The following PYM1 variants were observed in gnomAD, a reference collection of about 807,000 sequenced individuals.
PYM1 encodes the protein PYM1 exon junction complex associated factor, also known as partner of Y14 and mago.
Under a neutral mutation model 20.7 loss-of-function variants are expected in PYM1, and 7 were observed. The ratio of observed to expected loss-of-function variants is 0.34; its 90% CI spans 0.19 to 0.64. The LOEUF is 0.64. Among genes scored for constraint, PYM1 ranks in the 30% least tolerant of loss-of-function variants. PYM1 has a pLI of 0.74. For synonymous variants in PYM1, 100 were observed against 99.2 expected (o/e 1.01, Z -0.05); for missense variants, 194 against 250.0 (o/e 0.78, Z 1.51).
At chr12:55,927,456 C>T in intron 1 of PYM1, 1 of 691,634 alleles carries the variant, frequency 1.4e-6, no homozygotes, top group Admixed American at 2.4e-5. Flanking sequence ...CACCTGCACC[C>T]AAAAAGGGGG....
In PYM1 at chr12:55,901,496, A is replaced by G. The variant is rs1020290587; in HGVS notation, c.*376T>C. ...AGGGATGGAGAGGGAAATAACCCAT[A>G]AACACCGCGAACAGGAACCAAGACT... On this transcript the variant is annotated 3_prime_UTR_variant, in exon 3 of 3. Transcript: ENST00000408946. The G allele has an allele frequency of 5.5e-6, 1 of 182,076 alleles. No homozygotes were observed. Among genetic ancestry groups the G allele is most frequent in the Non-Finnish European group, 1.2e-5 (1 of 86,324 alleles). 11.3% of individuals were successfully genotyped at this position (182,076 alleles called of 1,614,324 possible). A position where few individuals can be genotyped will look rare whatever the true frequency, so the allele number is the denominator to read the frequency against.
intron 1 of PYM1, among the ~76,000 whole-genome samples, chr12:55,916,637 A>G (rs1565717325): frequency 6.6e-6 from 1 of 151,776 alleles, no homozygotes; most frequent in Non-Finnish European, 1.5e-5. Flanking sequence ...CGTCTCTACT[A>G]AAAATACAAA....
intron 1 of PYM1, 72 bp downstream of exon 1, chr12:55,927,653 C>G: frequency 6.6e-7 from 1 of 1,522,544 alleles, no homozygotes; most frequent in South Asian, 1.2e-5. Context: ...CGATTGCTGT[C>G]GGCCAACCCA....
chr12:55,917,065 G>A (rs972385369), intron 1 of PYM1, among the ~76,000 whole-genome samples: 4 of 151,854 alleles, frequency 2.6e-5, no homozygotes, highest in African/African-American at 7.3e-5. Context: ...TCACACCACT[G>A]TACTCCAGCC....
chr12:55,924,485 T>A (rs539314800), intron 1 of PYM1, among the ~76,000 whole-genome samples: 1 of 151,878 alleles, frequency 6.6e-6, no homozygotes, highest in South Asian at 2.1e-4. Flanking sequence ...GCTTCATTTT[T>A]AAAAAAAGAA....
intron 1 of PYM1, among the ~76,000 whole-genome samples, chr12:55,914,539 A>G (rs1882974855): frequency 6.6e-6 from 1 of 152,188 alleles, no homozygotes; most frequent in Non-Finnish European, 1.5e-5. Context: ...TCAGCAATAA[A>G]AACTCTTACA....
chr12:55,906,791 G>A (rs1286041468), intron 1 of PYM1, among the ~76,000 whole-genome samples: 2 of 151,998 alleles, frequency 1.3e-5, no homozygotes, highest in Non-Finnish European at 2.9e-5. Context: ...TGGGATTACA[G>A]GCATGCACCA....
intron 1 of PYM1, among the ~76,000 whole-genome samples, chr12:55,918,442 C>A (rs118071427): frequency 0.065 from 9,839 of 151,764 alleles, 460 homozygotes; most frequent in East Asian, 0.16. Context: ...AAATGGAAAT[C>A]AACAAATAGG....
intron 1 of PYM1, among the ~76,000 whole-genome samples, chr12:55,912,263 A>T (rs1882936547): frequency 1.3e-5 from 2 of 152,154 alleles, no homozygotes. Context: ...AAGGTGGGAC[A>T]ATCACTTGAG....
chr12:55,926,609 G>A (rs1277987454), intron 1 of PYM1, among the ~76,000 whole-genome samples: 2 of 152,122 alleles, frequency 1.3e-5, no homozygotes, highest in African/African-American at 4.8e-5. Flanking sequence ...AGAGGAAAAG[G>A]TACTATGTAG....
In PYM1 at chr12:55,901,763, GT is replaced by G. The variant is rs34946404; in HGVS notation, c.*108del. ...CAGAGCTGGGCCGCAGGAGGTGGAA[GT>G]AAGCCAGTATGGGGGGTACCCCTCC... On this transcript the variant is annotated 3_prime_UTR_variant, in exon 3 of 3. Transcript: ENST00000408946. The G allele has an allele frequency of 3.1e-5, 2 of 65,290 alleles. No homozygotes were observed. The highest frequency in any genetic ancestry group is 5.9e-4 in the East Asian group (1 of 1,694). 4.0% of individuals were successfully genotyped at this position (65,290 alleles called of 1,614,324 possible). A position where few individuals can be genotyped will look rare whatever the true frequency, so the allele number is the denominator to read the frequency against.
chr12:55,913,921 C>T (rs778727002), intron 1 of PYM1: 10 of 169,370 alleles, frequency 5.9e-5, no homozygotes, highest in Non-Finnish European at 1.3e-4. Context: ...AGGTTCTTGC[C>T]TTCTTAGAGT....
chr12:55,927,200 ATCTTAG>A (rs1202636139), intron 1 of PYM1: 1 of 1,531,592 alleles, frequency 6.5e-7, no homozygotes, highest in African/African-American at 1.4e-5. Flanking sequence ...GCAAGCCACC[ATCTTAG>A]TCTTAAAGGG....
intron 1 of PYM1, among the ~76,000 whole-genome samples, chr12:55,917,417 T>C (rs1353896276): frequency 2.0e-5 from 3 of 150,602 alleles, no homozygotes; most frequent in Non-Finnish European, 4.4e-5. Context: ...CAAGACTCCA[T>C]CTCAAAACAA....
chr12:55,909,606 A>G lies in PYM1; in HGVS notation c.38-6126T>C, dbSNP rs1165651252. ...TGGAAAAAAAAAAAAAACACCAGAG[A>G]CATGGAAACTAGTTAGGGAAAAAAT... On this transcript the variant is annotated intron_variant, in intron 1 of 2. Coordinates refer to ENST00000408946, the MANE Select transcript of PYM1 (RefSeq NM_032345.3). Among the ~76,000 whole-genome samples the G allele has an allele frequency of 2.0e-5, 3 of 151,844 alleles. No individual in the cohort carries two copies. In the East Asian group the frequency reaches 5.8e-4, roughly 29 times the overall value.
In PYM1 at chr12:55,906,174, T is replaced by G. The variant is rs191857290; in HGVS notation, c.38-2694A>C. Among the ~76,000 whole-genome samples the G allele has an allele frequency of 4.7e-5, 7 of 149,144 alleles. No homozygotes were observed. The East Asian group carries it at 1.2e-3, about 25-fold the overall frequency. On this transcript the variant is annotated intron_variant, in intron 1 of 2. Coordinates refer to ENST00000408946, the MANE Select transcript of PYM1 (RefSeq NM_032345.3). ...GTGTTTTTTTTTTTCAAGTAAAAAA[T>G]ACTGCTCCATGAGAAGAAAGTTTGT...
intron 1 of PYM1, chr12:55,914,457 A>T: frequency 1.5e-6 from 1 of 665,304 alleles, no homozygotes; most frequent in Non-Finnish European, 2.7e-6. Context: ...TGCTACTGTA[A>T]GAATCTTTTT....
At chr12:55,915,989 G>A (rs1009461294) in intron 1 of PYM1, among the ~76,000 whole-genome samples, 1 of 152,120 alleles carries the variant, frequency 6.6e-6, no homozygotes, top group Non-Finnish European at 1.5e-5. Flanking sequence ...AAATCTAAAC[G>A]ATAGATAGAT....
intron 1 of PYM1, among the ~76,000 whole-genome samples, chr12:55,910,663 C>T (rs529772688): frequency 1.3e-5 from 2 of 152,242 alleles, no homozygotes; most frequent in Admixed American, 1.3e-4. Flanking sequence ...AGGCTGGTCT[C>T]AAACTCCTGA....
Sources: gnomAD v4.1 joint callset for allele counts (sites outside exome capture counted in the v4.1 genomes callset) on GRCh38, gnomAD v4.1.1 for gene constraint, MANE v1.5 for transcripts, NCBI Gene and HGNC (gene_info 2026-07-23, HGNC 2026-07-21) for gene names.